MAPT: variants seen among roughly 807,000 people sequenced by gnomAD.
The protein encoded by MAPT is microtubule associated protein tau.
Under a neutral mutation model 67.9 loss-of-function variants are expected in MAPT, and 34 were observed. The ratio of observed to expected loss-of-function variants is 0.50; its 90% CI spans 0.38 to 0.67. The LOEUF (loss-of-function observed/expected upper bound fraction) is 0.67, where lower values mean the gene tolerates loss of function less well. Among genes scored for constraint, MAPT ranks in the 30% least tolerant of loss-of-function variants. The pLI, the probability that MAPT is intolerant of heterozygous loss-of-function variation, is 0.00. For synonymous variants in MAPT, 456 were observed against 464.5 expected, an observed-to-expected ratio of 0.98 and a Z score of 0.23; for missense variants, 881 against 1,115.2, an observed-to-expected ratio of 0.79 and a Z score of 2.99.
chr17:45,958,124 A>T (rs1291274730), intron 1 of MAPT, among the ~76,000 whole-genome samples: 2 of 152,188 alleles, frequency 1.3e-5, no homozygotes, highest in East Asian at 3.8e-4. Flanking sequence ...ACCTCACTCC[A>T]TCTTAAACCT....
chr17:45,934,167 C>T (rs1413692451), intron 1 of MAPT, among the ~76,000 whole-genome samples: 2 of 151,996 alleles, frequency 1.3e-5, no homozygotes, highest in African/African-American at 2.4e-5. Flanking sequence ...TTCAAGACCT[C>T]GTCTGTACAG....
chr17:45,904,900 C>A (rs1416463918), intron 1 of MAPT, among the ~76,000 whole-genome samples: 1 of 152,104 alleles, frequency 6.6e-6, no homozygotes, highest in African/African-American at 2.4e-5. Context: ...TTGTCTATAA[C>A]CTCCTGTTAC....
intron 1 of MAPT, chr17:45,931,945 G>T (rs2066881454): frequency 6.6e-6 from 1 of 152,126 alleles, no homozygotes; most frequent in South Asian, 2.1e-4. Context: ...AGCTGGGTGT[G>T]GTGGCACATG....
chr17:45,963,797 C>T (rs559261912), intron 2 of MAPT, among the ~76,000 whole-genome samples: 1 of 152,056 alleles, frequency 6.6e-6, no homozygotes, highest in Non-Finnish European at 1.5e-5. Flanking sequence ...CCAGCTTTCT[C>T]GCACAGGGAG....
chr17:45,922,724 T>C (rs1375977541), intron 1 of MAPT, among the ~76,000 whole-genome samples: 2 of 152,050 alleles, frequency 1.3e-5, no homozygotes, highest in African/African-American at 4.8e-5. Flanking sequence ...GGTCTAAAGA[T>C]AGGGCCAATG....
At chr17:45,932,705 G>T (rs2066956603) in intron 1 of MAPT, among the ~76,000 whole-genome samples, 1 of 152,072 alleles carries the variant, frequency 6.6e-6, no homozygotes, top group Non-Finnish European at 1.5e-5. Context: ...AACTTCTGTG[G>T]AGAAAAAAAA....
intron 3 of MAPT, chr17:45,974,102 T>A: frequency 1.9e-6 from 1 of 514,600 alleles, no homozygotes; most frequent in Non-Finnish European, 3.5e-6. Flanking sequence ...CCTGGGGCCA[T>A]GCCCAGCAGT....
chr17:45,985,938 G>A (rs1348689431), intron 5 of MAPT, among the ~76,000 whole-genome samples: 8 of 152,212 alleles, frequency 5.3e-5, no homozygotes, highest in Non-Finnish European at 1.2e-4. Flanking sequence ...CCAATGAGAA[G>A]CTCCAAGAGA....
Position 45,915,859 on chromosome 17 carries a change from A to T in MAPT, c.-18+21173A>T, listed in dbSNP as rs2065168702. On this transcript the variant is annotated intron_variant, in intron 1 of 12. Coordinates refer to ENST00000262410, the MANE Select transcript of MAPT (RefSeq NM_001377265.1). This position sits in a 1 kb window ranked among gnomAD's most constrained non-coding sequence, Gnocchi z 4.4. ...TGAGGCTGACTGATGTCATTTGACG[A>T]TCTTGATGCCAAATCCTTTTATATC... Among the ~76,000 whole-genome samples, 1 of 152,172 alleles carries T rather than the reference A, an allele frequency of 6.6e-6. No individual in the cohort carries two copies. The highest frequency in any genetic ancestry group is 2.4e-5 in the African/African-American group (1 of 41,430).
intron 1 of MAPT, among the ~76,000 whole-genome samples, chr17:45,956,596 A>T (rs200139422): frequency 0.29 from 9,734 of 33,168 alleles, 553 homozygotes; most frequent in Middle Eastern, 0.43. Context: ...ATATATATAT[A>T]TATATTTTTT....
intron 9 of MAPT, among the ~76,000 whole-genome samples, chr17:46,008,523 T>C (rs572242619): frequency 1.3e-4 from 20 of 152,310 alleles, no homozygotes; most frequent in African/African-American, 4.8e-4. Context: ...GTGATTGTGT[T>C]AGGGTGGTAA....
chr17:45,944,355 A>C (rs1280840103), intron 1 of MAPT, among the ~76,000 whole-genome samples: 2 of 152,162 alleles, frequency 1.3e-5, no homozygotes, highest in African/African-American at 4.8e-5. Flanking sequence ...GAAGACGTGA[A>C]GCCAAAGCCT....
intron 1 of MAPT, among the ~76,000 whole-genome samples, chr17:45,909,162 G>A (rs1247953754): frequency 6.6e-6 from 1 of 151,974 alleles, no homozygotes; most frequent in Non-Finnish European, 1.5e-5. Flanking sequence ...GGCAGCCCAG[G>A]GCACACTGGT....
At chr17:46,014,349 G>C in intron 11 of MAPT, 25 bp downstream of exon 11, 1 of 1,552,482 alleles carries the variant, frequency 6.4e-7, no homozygotes, top group Non-Finnish European at 8.9e-7. Context: ...GGTGAGGGTT[G>C]GGACGGGAGG....
At chr17:45,978,491 A>AAT in intron 4 of MAPT, 51 bp downstream of exon 4, 1 of 747,532 alleles carries the variant, frequency 1.3e-6, no homozygotes, top group Non-Finnish European at 2.3e-6. Flanking sequence ...GGGGAGGGAC[A>AAT]TGGGGTGGGC....
intron 9 of MAPT, among the ~76,000 whole-genome samples, chr17:46,009,219 CAAAA>C (rs983505427): frequency 5.9e-5 from 9 of 152,054 alleles, no homozygotes; most frequent in African/African-American, 1.9e-4. Flanking sequence ...AAAAACAAAA[CAAAA>C]AACCCAAAGC....
intron 7 of MAPT, chr17:45,990,549 G>C: frequency 2.3e-6 from 1 of 431,478 alleles, no homozygotes; most frequent in Admixed American, 2.7e-5. Flanking sequence ...CCCAGAGGCA[G>C]AGGTTGTAGT....
At chr17:45,997,955 G>T (rs761089497) in intron 9 of MAPT, among the ~76,000 whole-genome samples, 6 of 152,114 alleles carry the variant, frequency 3.9e-5, no homozygotes, top group African/African-American at 1.4e-4. Context: ...CCAGGACCCC[G>T]CTCCCGCCAC....
chr17:46,000,594 G>C (rs191175831), intron 9 of MAPT, among the ~76,000 whole-genome samples: 1 of 152,152 alleles, frequency 6.6e-6, no homozygotes, highest in Non-Finnish European at 1.5e-5. Context: ...TCCAGTGCCC[G>C]AGCCTCCTGG....
Sources: allele counts gnomAD v4.1 joint callset (sites outside exome capture counted in the v4.1 genomes callset), GRCh38; gene constraint gnomAD v4.1.1; non-coding constraint Gnocchi (gnomAD v3.1); transcripts MANE v1.5; gene names NCBI Gene and HGNC (gene_info 2026-07-23, HGNC 2026-07-21).